DAO: variants seen among roughly 807,000 people sequenced by gnomAD.
DAO encodes D-amino acid oxidase.
DAO carries 51 observed loss-of-function variants against 50.1 expected under a neutral mutation model. The observed-to-expected ratio is 1.02, with a 90% confidence interval of 0.81 to 1.29. The LOEUF (loss-of-function observed/expected upper bound fraction) is 1.29, where lower values mean the gene tolerates loss of function less well. DAO is among the 50% of genes most tolerant of loss of function. DAO has a pLI of 0.00. For synonymous variants in DAO, 160 were observed against 166.2 expected, an observed-to-expected ratio of 0.96 and a Z score of 0.29; for missense variants, 436 against 439.4, an observed-to-expected ratio of 0.99 and a Z score of 0.07.
chr12:108,885,334 C>A, intron 2 of DAO, 134 bp downstream of exon 2: 2 of 883,530 alleles, frequency 2.3e-6, no homozygotes, highest in East Asian at 2.6e-5. Context: ...AAATGCCAGG[C>A]GTGGTGGTTC....
rs369184267 is a variant in DAO at position 108,893,047 on chromosome 12, G to A, written c.507+11G>A. 6.0e-4 allele frequency: 965 copies of A among 1,612,714 alleles called. 8 individuals carry two copies. In the Middle Eastern group the frequency reaches 6.9e-3, roughly 12 times the overall value. On this transcript the variant is annotated intron_variant, in intron 6 of 10. Transcript: ENST00000228476. ...GAGTCTTTTGAGGAGGTGAGTTGCAGGGCTGATGCGGTGGATGGGGCAGGG... is the reference window on the plus strand; with the variant it reads ...GAGTCTTTTGAGGAGGTGAGTTGCAAGGCTGATGCGGTGGATGGGGCAGGG...
At chr12:108,892,853 T>C (rs898204203) in intron 5 of DAO, 129 bp from the exon 6 acceptor site, 38 of 808,702 alleles carry the variant, frequency 4.7e-5, no homozygotes, top group Admixed American at 9.7e-5. Context: ...CACAGCCATC[T>C]TCTCAAGCAG....
intron 8 of DAO, chr12:108,898,473 C>G: frequency 1.7e-6 from 1 of 604,922 alleles, no homozygotes; most frequent in African/African-American, 1.8e-5. Context: ...ATGATAGTAG[C>G]AAAGACAATG....
chr12:108,887,144 G>A (rs2039444177), intron 2 of DAO, among the ~76,000 whole-genome samples: 1 of 152,160 alleles, frequency 6.6e-6, no homozygotes, highest in Admixed American at 6.6e-5. Flanking sequence ...AATCCCCAAA[G>A]CCAGGTCAAG....
chr12:108,884,917 C>T (rs567617176), intron 1 of DAO, 81 bp from the exon 2 acceptor site: 85 of 1,353,310 alleles, frequency 6.3e-5, no homozygotes, highest in Non-Finnish European at 8.6e-5. Context: ...CCTTCTAAGC[C>T]TTCAGTGGAT....
At chr12:108,890,049 T>C (rs764828406) in intron 4 of DAO, among the ~76,000 whole-genome samples, 159 bp from the exon 5 acceptor site, 2 of 152,196 alleles carry the variant, frequency 1.3e-5, no homozygotes, top group Non-Finnish European at 2.9e-5. Context: ...TTTCCTTGCA[T>C]TGAGCTCAAA....
In DAO at chr12:108,885,202, T is replaced by A; in HGVS notation, c.194+2T>A. 6.2e-7 allele frequency: 1 copy of A among 1,611,538 alleles called. No homozygotes were observed. Among genetic ancestry groups the A allele is most frequent in the Non-Finnish European group, 8.5e-7 (1 of 1,179,736 alleles). On this transcript the variant is annotated splice_donor_variant, in intron 2 of 10. Transcript: ENST00000228476. LOFTEE classifies it high-confidence loss of function. ...TGACCCCAACAACCCACAGGAGGCG[T>A]GAGTGAGGGTCACATAGGGTAGCCT... is the stretch of plus-strand genomic sequence containing the variant.
Position 108,895,479 on chromosome 12 carries a change from G to A in DAO, c.612+1112G>A, listed in dbSNP as rs189499117. Among the ~76,000 whole-genome samples, 5 of 144,438 alleles carry A rather than the reference G, an allele frequency of 3.5e-5. No individual in the cohort carries two copies. In the East Asian group the frequency reaches 1.0e-3, roughly 30 times the overall value. 94.8% of individuals were successfully genotyped at this position (144,438 alleles called of 152,430 possible). A position where few individuals can be genotyped will look rare whatever the true frequency, so the allele number is the denominator to read the frequency against. ...CACGTATGTGGGGGTGATTGTGCAT[G>A]TATGTGAGGGTGTATGTGCATATGT... On this transcript the variant is annotated intron_variant, in intron 7 of 10. Transcript: ENST00000228476.
Position 108,881,049 on chromosome 12 carries a change from G to GTTGAGAGGA in DAO, c.-10+837_-10+845dup, listed in dbSNP as rs2039372318. Among the ~76,000 whole-genome samples, 4 of 152,184 alleles carry GTTGAGAGGA rather than the reference G, an allele frequency of 2.6e-5. No individual in the cohort carries two copies. The South Asian group carries it at 8.3e-4, about 32-fold the overall frequency. ...GTAACCTTCCCTACTTCCTAGAGCAGTTGAGAGGATTGAGAGGATTATGTC... is the reference window on the plus strand; with the variant it reads ...GTAACCTTCCCTACTTCCTAGAGCAGTTGAGAGGATTGAGAGGATTGAGAGGATTATGTC... On this transcript the variant is annotated intron_variant, in intron 1 of 10. Transcript: ENST00000228476.
intron 2 of DAO, among the ~76,000 whole-genome samples, chr12:108,885,405 T>C (rs1174751198): frequency 6.6e-6 from 1 of 151,962 alleles, no homozygotes; most frequent in African/African-American, 2.4e-5. Context: ...GGCCAGGAGT[T>C]CCAGATCAGC....
chr12:108,893,131 T>C, intron 6 of DAO, 95 bp downstream of exon 6: 3 of 1,136,510 alleles, frequency 2.6e-6, no homozygotes, highest in Non-Finnish European at 3.9e-6. Context: ...CTCAGGCTCC[T>C]AGGGTCCCCA....
At chr12:108,897,946 C>CAA (rs56246314) in intron 8 of DAO, among the ~76,000 whole-genome samples, 5 of 129,102 alleles carry the variant, frequency 3.9e-5, no homozygotes, top group Admixed American at 7.4e-5. Flanking sequence ...GACCCCATCT[C>CAA]AAAAAAAAAA....
At chr12:108,889,392 G>A (rs1210397680) in intron 3 of DAO, 77 bp from the exon 4 acceptor site, 5 of 990,936 alleles carry the variant, frequency 5.0e-6, no homozygotes, top group East Asian at 5.2e-5. Context: ...TTACAGGTGT[G>A]AGCCACCTCG....
In DAO at chr12:108,899,453, G is replaced by C. The variant is rs760432003; in HGVS notation, c.890G>C (p.Arg297Pro). 2 of 1,613,580 alleles carry C rather than the reference G, an allele frequency of 1.2e-6. No individual in the cohort carries two copies. Among genetic ancestry groups the C allele is most frequent in the Admixed American group, 3.3e-5 (2 of 59,960 alleles). ...PQIRLEREQL[R>P]TGPSNTEVIH... is the part of the protein sequence containing the mutation. ...ATTCGGCTAGAAAGAGAACAGCTTC[G>C]CACTGGACCTTCAAACACAGAGGTA... Residue 297 changes from arginine (R) to proline (P), a missense_variant, in exon 10 of 11, where the codon CGC becomes CCC. By Grantham distance (103) the Arg-to-Pro change is moderately radical (BLOSUM62 -2). Coordinates refer to ENST00000228476, the MANE Select transcript of DAO (RefSeq NM_001917.5).
Position 108,885,395 on chromosome 12 carries a change from G to A in DAO, c.194+195G>A, listed in dbSNP as rs550406083. On this transcript the variant is annotated intron_variant, in intron 2 of 10. Transcript: ENST00000228476. ...AGGTCGAGGTGGGAGGATCACTTGA[G>A]GCCAGGAGTTCCAGATCAGCCTGGG... 2.6e-4 allele frequency among the ~76,000 whole-genome samples: 40 copies of A among 152,270 alleles called. 2 individuals carry two copies. The South Asian group carries it at 8.3e-3, about 32-fold the overall frequency.
intron 4 of DAO, 34 bp from the exon 5 acceptor site, chr12:108,890,174 C>T: frequency 1.3e-6 from 2 of 1,578,064 alleles, no homozygotes; most frequent in South Asian, 1.1e-5. Flanking sequence ...TGATTTTTAC[C>T]TTTATTTCCA....
intron 8 of DAO, chr12:108,898,357 G>A: frequency 2.6e-6 from 1 of 379,176 alleles, no homozygotes. Flanking sequence ...CACCAACCAT[G>A]TTATCTCAAT....
Position 108,900,431 on chromosome 12 carries a change from T to C in DAO, c.940T>C (p.Tyr314His). ...CATCCACAACTATGGCCATGGAGGC[T>C]ACGGGCTCACCATCCACTGGGGATG... ...EVIHNYGHGG[Y>H]GLTIHWGCAL... is the part of the protein sequence containing the mutation. The change falls in exon 11 of 11, where the codon TAC becomes CAC. Residue 314 changes from tyrosine (Y) to histidine (H), a missense_variant. By Grantham distance (83) the Tyr-to-His change is moderately conservative. Coordinates refer to ENST00000228476, the MANE Select transcript of DAO (RefSeq NM_001917.5). 1.2e-6 allele frequency: 2 copies of C among 1,614,142 alleles called. No homozygotes were observed. Among genetic ancestry groups the C allele is most frequent in the Non-Finnish European group, 1.7e-6 (2 of 1,179,978 alleles).
At chr12:108,895,602 G>T (rs2039544236) in intron 7 of DAO, among the ~76,000 whole-genome samples, 1 of 140,068 alleles carries the variant, frequency 7.1e-6, no homozygotes, top group African/African-American at 3.2e-5. Context: ...GTGTGTGATG[G>T]TGTGTGTGTG....
Sources: allele counts gnomAD v4.1 joint callset (sites outside exome capture counted in the v4.1 genomes callset), GRCh38; gene constraint gnomAD v4.1.1; transcripts MANE v1.5; gene names NCBI Gene and HGNC (gene_info 2026-07-23, HGNC 2026-07-21).